TRANK1: variants seen among roughly 807,000 people sequenced by gnomAD.
The protein encoded by TRANK1 is tetratricopeptide repeat and ankyrin repeat containing 1, also known as TPR and ankyrin repeat-containing protein 1.
In TRANK1, 198 loss-of-function variants were observed where a neutral mutation model predicts 266.0. That is an observed-to-expected ratio of 0.74 (90% CI 0.66 to 0.84). TRANK1 has a LOEUF of 0.84. Among genes scored for constraint, TRANK1 ranks in the 40% least tolerant of loss-of-function variants. The probability of loss-of-function intolerance (pLI) is 0.00; values close to 1 mark genes in which losing one functional copy is unlikely to be tolerated. For synonymous variants in TRANK1, 1,396 were observed against 1,384.1 expected (o/e 1.01, Z -0.19); for missense variants, 3,326 against 3,634.6 (o/e 0.92, Z 2.18).
intron 1 of TRANK1, among the ~76,000 whole-genome samples, chr3:36,916,795 T>C (rs113224678): frequency 6.7e-6 from 1 of 150,286 alleles, no homozygotes; most frequent in Non-Finnish European, 1.5e-5. Flanking sequence ...AATGTATGGG[T>C]TTTTTTTGTT....
In TRANK1 at chr3:36,889,770, T is replaced by A. The variant is rs985173925; in HGVS notation, c.907+59A>T. The A allele has an allele frequency of 2.7e-6, 4 of 1,476,920 alleles. No individual in the cohort carries two copies. In the Admixed American group the frequency reaches 9.5e-5, roughly 35 times the overall value. 91.5% of individuals were successfully genotyped at this position (1,476,920 alleles called of 1,614,324 possible). ...AAAACAAGGCAGTCGGTGGTGTGGG[T>A]CCTCAAAGCCTGACACCAGCCAGCC... On this transcript the variant is annotated intron_variant, in intron 8 of 23. Coordinates refer to ENST00000645898, the MANE Select transcript of TRANK1 (RefSeq NM_001329998.2).
At chr3:36,902,087 T>C (rs1464531982) in intron 3 of TRANK1, among the ~76,000 whole-genome samples, 2 of 152,054 alleles carry the variant, frequency 1.3e-5, no homozygotes, top group East Asian at 3.8e-4. Context: ...ACTTATAAGA[T>C]CCACTGACAC....
intron 1 of TRANK1, among the ~76,000 whole-genome samples, chr3:36,932,581 A>G (rs1213517971): frequency 2.6e-5 from 4 of 152,232 alleles, no homozygotes; most frequent in Admixed American, 6.5e-5. Flanking sequence ...AAACACGCAC[A>G]CACAAAAAGT....
intron 3 of TRANK1, 130 bp downstream of exon 3, chr3:36,903,019 A>AAT: frequency 8.1e-7 from 1 of 1,227,136 alleles, no homozygotes; most frequent in Non-Finnish European, 1.1e-6. Context: ...GGCAGGCTAA[A>AAT]AGGAAGGAGG....
chr3:36,895,014 C>T (rs2079767785), intron 5 of TRANK1, among the ~76,000 whole-genome samples: 2 of 152,210 alleles, frequency 1.3e-5, no homozygotes, highest in Non-Finnish European at 2.9e-5. Context: ...TCCATTATTT[C>T]TGATCTCACC....
At chr3:36,894,951 T>C (rs2079766551) in intron 5 of TRANK1, among the ~76,000 whole-genome samples, 1 of 152,190 alleles carries the variant, frequency 6.6e-6, no homozygotes. Context: ...ACCCCTCAGC[T>C]CAATGCCTGG....
chr3:36,844,419 G>T (rs2078888508), intron 17 of TRANK1, among the ~76,000 whole-genome samples: 1 of 152,126 alleles, frequency 6.6e-6, no homozygotes, highest in Non-Finnish European at 1.5e-5. Context: ...TAGAGATGGG[G>T]TTTCACCATG....
intron 22 of TRANK1, among the ~76,000 whole-genome samples, chr3:36,830,543 T>C (rs2078678825): frequency 6.6e-6 from 1 of 152,190 alleles, no homozygotes; most frequent in African/African-American, 2.4e-5. Context: ...AAGATTATTC[T>C]GGCAAGAATC....
In TRANK1 at chr3:36,892,304, G is replaced by A. The variant is rs1282514227; in HGVS notation, c.673C>T (p.Gln225Ter). The part of the protein sequence containing the change: ...VFIGLYEKME[Q>*]VPKLVQWLIS... ...AGCCACTGGACTAACTTGGGCACTT[G>A]TTCCATCTTCTCATAAAGTCCAATG... Residue 225 changes from glutamine (Q) to a stop codon, truncating the protein, a stop_gained, in exon 7 of 24, where the codon CAA becomes TAA. Transcript: ENST00000645898. LOFTEE classifies it high-confidence loss of function. 6.5e-7 allele frequency: 1 copy of A among 1,537,016 alleles called. No homozygotes were observed. Among genetic ancestry groups the A allele is most frequent in the Non-Finnish European group, 8.7e-7 (1 of 1,146,900 alleles).
intron 8 of TRANK1, among the ~76,000 whole-genome samples, chr3:36,886,246 T>C (rs1299858021): frequency 6.7e-6 from 1 of 148,468 alleles, no homozygotes; most frequent in Non-Finnish European, 1.5e-5. Flanking sequence ...GCGATTCTCC[T>C]GCCTCAGCCT....
intron 1 of TRANK1, among the ~76,000 whole-genome samples, chr3:36,916,838 C>T (rs1365106812): frequency 2.6e-5 from 4 of 151,076 alleles, no homozygotes; most frequent in East Asian, 1.9e-4. Flanking sequence ...TTGAAGAGAC[C>T]GGAGTCTTGC....
At chr3:36,905,194 A>G (rs2079946271) in intron 2 of TRANK1, among the ~76,000 whole-genome samples, 1 of 151,782 alleles carries the variant, frequency 6.6e-6, no homozygotes, top group African/African-American at 2.4e-5. Context: ...AGGCTGAGGC[A>G]GGAGAATGGC....
chr3:36,942,735 T>C (rs1191141315), intron 1 of TRANK1, among the ~76,000 whole-genome samples: 11 of 152,034 alleles, frequency 7.2e-5, no homozygotes, highest in Non-Finnish European at 1.5e-5. Context: ...CACCAAGTCC[T>C]CACTTCCAAA....
rs930802172 is a variant in TRANK1, at chr3:36,889,727, G to A, written c.907+102C>T. 34 of 1,402,728 alleles carry A rather than the reference G, an allele frequency of 2.4e-5. No individual in the cohort carries two copies. In the Admixed American group the frequency reaches 3.9e-4, roughly 16 times the overall value. The allele number at this position is 1,402,728 out of a possible 1,614,324, so 86.9% of individuals were successfully genotyped here. Reference sequence around the variant, plus strand: ...AGGGGAAGTTTAGCCCTCTGAGCCAGCTAGGGATAGAATGGGTAAAACAAG... The same window carrying A: ...AGGGGAAGTTTAGCCCTCTGAGCCAACTAGGGATAGAATGGGTAAAACAAG... On this transcript the variant is annotated intron_variant, in intron 8 of 23. Transcript: ENST00000645898.
chr3:36,920,052 A>C (rs1305801674), intron 1 of TRANK1, among the ~76,000 whole-genome samples: 1 of 152,236 alleles, frequency 6.6e-6, no homozygotes, highest in Non-Finnish European at 1.5e-5. Context: ...GACAGCCATC[A>C]TTCTCCTATG....
intron 2 of TRANK1, among the ~76,000 whole-genome samples, chr3:36,906,261 C>T (rs2079966063): frequency 6.6e-6 from 1 of 152,218 alleles, no homozygotes; most frequent in Admixed American, 6.5e-5. Context: ...GAGGTGGAGC[C>T]GTGTTTCAGT....
intron 15 of TRANK1, among the ~76,000 whole-genome samples, chr3:36,848,453 C>G (rs1444271671): frequency 6.6e-6 from 1 of 152,146 alleles, no homozygotes; most frequent in Non-Finnish European, 1.5e-5. Flanking sequence ...TTCATACTTT[C>G]CTGTGTCTTG....
At chr3:36,839,585 C>G (rs991917570) in intron 18 of TRANK1, among the ~76,000 whole-genome samples, 9 of 152,152 alleles carry the variant, frequency 5.9e-5, no homozygotes, top group African/African-American at 2.2e-4. Flanking sequence ...CTGAAATGCT[C>G]TTCGGTCCTT....
chr3:36,868,538 T>G (rs1015149390), intron 9 of TRANK1, among the ~76,000 whole-genome samples: 2 of 152,218 alleles, frequency 1.3e-5, no homozygotes, highest in African/African-American at 4.8e-5. Context: ...AGTGTTAGGT[T>G]TTATTACATA....
Sources: gnomAD v4.1 joint callset for allele counts (sites outside exome capture counted in the v4.1 genomes callset) on GRCh38, gnomAD v4.1.1 for gene constraint, MANE v1.5 for transcripts, NCBI Gene and HGNC (gene_info 2026-07-23, HGNC 2026-07-21) for gene names.